The following BTBD1 variants were observed in gnomAD, a reference collection of about 807,000 sequenced individuals.
The protein encoded by BTBD1 is BTB/POZ domain-containing protein 1.
BTBD1 carries 34 observed loss-of-function variants against 48.0 expected under a neutral mutation model. That is an observed-to-expected ratio of 0.71 (90% CI 0.54 to 0.94). The LOEUF is 0.94. Ranked by LOEUF, BTBD1 falls within the 40% of genes least tolerant of loss-of-function variation. BTBD1 has a pLI of 0.00. For synonymous variants in BTBD1, 261 were observed against 242.1 expected, an observed-to-expected ratio of 1.08 and a Z score of -0.72; for missense variants, 543 against 625.6, an observed-to-expected ratio of 0.87 and a Z score of 1.41.
intron 1 of BTBD1, among the ~76,000 whole-genome samples, chr15:83,065,002 T>C (rs2033236463): frequency 6.6e-6 from 1 of 152,214 alleles, no homozygotes; most frequent in African/African-American, 2.4e-5. Context: ...TCCCGGTCTC[T>C]AGGTATATGT....
At position 83,018,865 on chromosome 15, in the gene BTBD1, A is replaced by G; in HGVS notation, c.1144-12T>C. The G allele has an allele frequency of 6.2e-7, 1 of 1,607,856 alleles. No individual in the cohort carries two copies. ...TCATATTCAATGATCTGTAATTTTT[A>G]AGAGACAAGTTACATTTAAGTTAAA... is the stretch of plus-strand genomic sequence containing the variant. On this transcript the variant is annotated splice_polypyrimidine_tract_variant and intron_variant, in intron 6 of 7. Coordinates refer to ENST00000261721, the MANE Select transcript of BTBD1 (RefSeq NM_025238.4).
intron 1 of BTBD1, among the ~76,000 whole-genome samples, chr15:83,060,920 A>T (rs1286891742): frequency 6.6e-6 from 1 of 152,246 alleles, no homozygotes; most frequent in Non-Finnish European, 1.5e-5. Context: ...CATTTTACTC[A>T]AAAACATTTA....
At chr15:83,051,030 C>CAAAAA (rs11423630) in intron 2 of BTBD1, among the ~76,000 whole-genome samples, 1 of 124,110 alleles carries the variant, frequency 8.1e-6, no homozygotes, top group Non-Finnish European at 1.8e-5. Context: ...CCCTCCCCCA[C>CAAAAA]AAAAAAAAAA....
chr15:83,065,949 T>C (rs1441099327), intron 1 of BTBD1, among the ~76,000 whole-genome samples: 1 of 152,170 alleles, frequency 6.6e-6, no homozygotes, highest in African/African-American at 2.4e-5. Context: ...TTTTCGTATT[T>C]ACTTTCCTGG....
intron 3 of BTBD1, among the ~76,000 whole-genome samples, chr15:83,044,990 C>A (rs1268890385): frequency 1.3e-5 from 2 of 151,952 alleles, no homozygotes; most frequent in Non-Finnish European, 2.9e-5. Context: ...ATAAATACCC[C>A]AGTTCCTAAA....
intron 3 of BTBD1, among the ~76,000 whole-genome samples, chr15:83,045,729 T>C (rs1202257948): frequency 1.3e-5 from 2 of 152,154 alleles, no homozygotes; most frequent in Non-Finnish European, 2.9e-5. Flanking sequence ...GAGTATAAAC[T>C]ATGGCACCAC....
chr15:83,058,021 T>C (rs972010404), intron 1 of BTBD1, among the ~76,000 whole-genome samples: 3 of 152,228 alleles, frequency 2.0e-5, no homozygotes, highest in Non-Finnish European at 2.9e-5. Flanking sequence ...CCAGTTCTTC[T>C]CAGGCAGTTT....
At chr15:83,044,139 C>G (rs2032824103) in intron 3 of BTBD1, among the ~76,000 whole-genome samples, 1 of 152,156 alleles carries the variant, frequency 6.6e-6, no homozygotes, top group Admixed American at 6.5e-5. Flanking sequence ...AAAAACAACA[C>G]TTCACAGACC....
chr15:83,058,367 A>T (rs1265674420), intron 1 of BTBD1, among the ~76,000 whole-genome samples: 1 of 152,166 alleles, frequency 6.6e-6, no homozygotes, highest in Non-Finnish European at 1.5e-5. Context: ...ATTTTTTAAA[A>T]ATTTCTTAAT....
At chr15:83,046,739 T>G (rs977644474) in intron 3 of BTBD1, among the ~76,000 whole-genome samples, 2 of 152,222 alleles carry the variant, frequency 1.3e-5, no homozygotes, top group Non-Finnish European at 2.9e-5. Context: ...AAATATCCAG[T>G]ACTCAACAGA....
At chr15:83,031,236 G>A (rs1029074338) in intron 4 of BTBD1, among the ~76,000 whole-genome samples, 6 of 152,104 alleles carry the variant, frequency 3.9e-5, no homozygotes, top group East Asian at 3.9e-4. Context: ...GGTGTGAGAC[G>A]GTATCTCATT....
chr15:83,037,305 G>T (rs916261279), intron 4 of BTBD1, among the ~76,000 whole-genome samples: 1 of 152,184 alleles, frequency 6.6e-6, no homozygotes, highest in Non-Finnish European at 1.5e-5. Context: ...GAAGGTGGAA[G>T]AATCACTTGA....
Position 83,030,142 on chromosome 15 carries a change from C to T in BTBD1, c.1049G>A (p.Arg350Gln), listed in dbSNP as rs375946711. Residue 350 changes from arginine to glutamine, a missense_variant, in exon 5 of 8, where the codon CGA (arginine) becomes CAA (glutamine). By Grantham distance (43) the Arg-to-Gln change is conservative (BLOSUM62 1). Around this residue, in one of 3 missense-constraint regions of BTBD1, gnomAD observed 300 missense variants for 350.0 expected, o/e 0.86. Coordinates refer to ENST00000261721, the MANE Select transcript of BTBD1 (RefSeq NM_025238.4). ...SRWGYSGTSD[R>Q]IRFTVNRRIS... ...TCCCCAATATAACAGATACCTGATT[C>T]GATCACTCGTCCCACTGTAACCCCA... 1.5e-5 allele frequency: 24 copies of T among 1,613,780 alleles called. 1 individual carries two copies. Among genetic ancestry groups the T allele is most frequent in the East Asian group, 2.2e-5 (1 of 44,888 alleles).
intron 4 of BTBD1, among the ~76,000 whole-genome samples, chr15:83,037,280 C>T (rs952587489): frequency 7.9e-5 from 12 of 152,252 alleles, no homozygotes; most frequent in South Asian, 6.2e-4. Context: ...CAGCCAGGCA[C>T]ACTGGCTAAG....
At chr15:83,059,048 T>C (rs28408839) in intron 1 of BTBD1, among the ~76,000 whole-genome samples, 10,637 of 152,294 alleles carry the variant, frequency 0.07, 395 homozygotes, top group Middle Eastern at 0.1. Flanking sequence ...GGAACATTTT[T>C]TAAAACAAGT....
At chr15:83,033,749 T>A (rs562431084) in intron 4 of BTBD1, among the ~76,000 whole-genome samples, 59 of 152,156 alleles carry the variant, frequency 3.9e-4, no homozygotes, top group African/African-American at 1.4e-3. Flanking sequence ...GGCTAATTTT[T>A]AAATTTTTTT....
chr15:83,024,362 CCA>C (rs2032364435), intron 5 of BTBD1: 1 of 152,160 alleles, frequency 6.6e-6, no homozygotes, highest in Non-Finnish European at 1.5e-5. Flanking sequence ...TTGGTAATAT[CCA>C]CTGTAATAAG....
In BTBD1 at chr15:83,047,962, G is replaced by A. The variant is rs1319773148; in HGVS notation, c.664+2111C>T. Among the ~76,000 whole-genome samples the A allele has an allele frequency of 7.2e-5, 11 of 152,288 alleles. No homozygotes were observed. The East Asian group carries it at 2.1e-3, about 29-fold the overall frequency. ...TTTTTTATTTATAAAGATCATTCTG[G>A]CTGCCATGTAGAGAATGGAGTGTAT... On this transcript the variant is annotated intron_variant, in intron 3 of 7. Transcript: ENST00000261721.
At chr15:83,039,285 A>G (rs1016760705) in intron 4 of BTBD1, among the ~76,000 whole-genome samples, 9 of 152,200 alleles carry the variant, frequency 5.9e-5, no homozygotes, top group African/African-American at 2.2e-4. Context: ...AATCCTCAAC[A>G]TCACTAATCA....
Sources: allele counts gnomAD v4.1 joint callset (sites outside exome capture counted in the v4.1 genomes callset), GRCh38; gene constraint gnomAD v4.1.1; regional missense constraint gnomAD v4.1.1; transcripts MANE v1.5; gene names NCBI Gene and HGNC (gene_info 2026-07-23, HGNC 2026-07-21).